The following BTK variants were observed in gnomAD, a reference collection of about 807,000 sequenced individuals.
BTK encodes the protein tyrosine-protein kinase BTK.
In BTK, 5 loss-of-function variants were observed where a neutral mutation model predicts 57.4. That is an observed-to-expected ratio of 0.09 (90% confidence interval 0.05 to 0.18). BTK has a LOEUF of 0.18. BTK is among the 10% of genes least tolerant of loss of function. The pLI, the probability that BTK is intolerant of heterozygous loss-of-function variation, is 1.00. For synonymous variants in BTK, 154 were observed against 174.3 expected (o/e 0.88, Z 0.92); for missense variants, 194 against 501.2 (o/e 0.39, Z 5.85).
At chrX:101,357,259 A>T (rs1200959519) in intron 13 of BTK, among the ~76,000 whole-genome samples, 5 of 111,766 alleles carry the variant, frequency 4.5e-5, no homozygotes, top group Non-Finnish European at 9.4e-5. Context: ...ATTTTCCCAC[A>T]ATTAAAAATA....
chrX:101,382,531 G>A (rs1477870798), intron 1 of BTK, among the ~76,000 whole-genome samples: 1 of 110,050 alleles, frequency 9.1e-6, no homozygotes, highest in Non-Finnish European at 1.9e-5. Flanking sequence ...TTGAGCCACC[G>A]CGCCTGGCCT....
intron 1 of BTK, among the ~76,000 whole-genome samples, chrX:101,382,163 T>C (rs1428765218): frequency 1.8e-5 from 2 of 110,633 alleles, no homozygotes; most frequent in Non-Finnish European, 3.8e-5. Flanking sequence ...ATAAGCTTCA[T>C]AGTCAAGGCT....
intron 1 of BTK, chrX:101,378,083 A>ATTT (rs536846518): frequency 0.17 from 15,025 of 90,090 alleles, 1,403 homozygotes; most frequent in South Asian, 0.32. Flanking sequence ...GAAAGGCCCC[A>ATTT]TTTTTTTTTT....
In BTK at chrX:101,349,839, G is replaced by A. The variant is rs2147419779; in HGVS notation, c.*46C>T. On this transcript the variant is annotated 3_prime_UTR_variant, in exon 19 of 19. Coordinates refer to ENST00000308731, the MANE Select transcript of BTK (RefSeq NM_000061.3). Reference sequence around the variant, plus strand: ...GATTTCCTCTGAGAAAGTGAAATTGGGGCTTGTGGAGAAGAGAAGTAGAAC... The same window carrying A: ...GATTTCCTCTGAGAAAGTGAAATTGAGGCTTGTGGAGAAGAGAAGTAGAAC... The A allele has an allele frequency of 9.0e-7, 1 of 1,106,102 alleles. No individual in the cohort carries two copies. The highest frequency in any genetic ancestry group is 1.2e-6 in the Non-Finnish European group (1 of 800,741). The allele number at this position is 1,106,102 out of a possible 1,213,427, so 91.2% of individuals were successfully genotyped here.
At chrX:101,388,964 C>T (rs1181150012), upstream of BTK, among the ~76,000 whole-genome samples, 8 of 111,757 alleles carry the variant, frequency 7.2e-5, no homozygotes, top group African/African-American at 2.6e-4. Context: ...AAACAGAGAA[C>T]AGCTCAAGCG....
intron 1 of BTK, among the ~76,000 whole-genome samples, chrX:101,376,623 G>A (rs782469414): frequency 3.6e-5 from 4 of 109,935 alleles, no homozygotes; most frequent in South Asian, 7.8e-4. Flanking sequence ...GCGAAACTCC[G>A]TCTCAAAAAA....
In BTK at chrX:101,383,537, CT is replaced by C. The variant is rs1199915049; in HGVS notation, c.-31+2524del. Reference sequence around the variant, plus strand: ...AACTCTGGTTTTACTGCAGACAAATCTTTTTTTTTTTTCATTGAGTCAATGA... The same window carrying C: ...AACTCTGGTTTTACTGCAGACAAATCTTTTTTTTTTTCATTGAGTCAATGA... On this transcript the variant is annotated intron_variant, in intron 1 of 18. Coordinates refer to ENST00000308731, the MANE Select transcript of BTK (RefSeq NM_000061.3). 1.0e-3 allele frequency among the ~76,000 whole-genome samples: 108 copies of C among 103,594 alleles called. 1 individual carries two copies. Among genetic ancestry groups the C allele is most frequent in the Middle Eastern group, 4.9e-3 (1 of 205 alleles). 90.0% of individuals were successfully genotyped at this position (103,594 alleles called of 115,157 possible).
chrX:101,350,782 A>G (rs1926262237), intron 18 of BTK, among the ~76,000 whole-genome samples: 2 of 110,899 alleles, frequency 1.8e-5, no homozygotes, highest in Admixed American at 9.6e-5. Context: ...CATGGCCCAT[A>G]AGCCCCCGAG....
At chrX:101,389,531 C>T (rs1345747933), upstream of BTK, among the ~76,000 whole-genome samples, 2 of 111,179 alleles carry the variant, frequency 1.8e-5, no homozygotes, top group African/African-American at 6.6e-5. Flanking sequence ...GACCACCCAA[C>T]AAAAAAGGGG....
upstream of BTK, among the ~76,000 whole-genome samples, chrX:101,387,994 G>T (rs2147460160): frequency 9.1e-6 from 1 of 110,152 alleles, no homozygotes; most frequent in South Asian, 3.9e-4. Flanking sequence ...AGTCTCCTGA[G>T]TAGTTGGGAC....
chrX:101,389,350 G>C (rs1292482466), upstream of BTK, among the ~76,000 whole-genome samples: 1 of 111,742 alleles, frequency 8.9e-6, no homozygotes, highest in Non-Finnish European at 1.9e-5. Flanking sequence ...ATTAAATGAA[G>C]AGGGGCCATG....
At chrX:101,377,045 G>T (rs1485353703) in intron 1 of BTK, among the ~76,000 whole-genome samples, 1 of 111,058 alleles carries the variant, frequency 9.0e-6, no homozygotes, top group Non-Finnish European at 1.9e-5. Flanking sequence ...ACTATCTTCT[G>T]GAGGTGGATT....
intron 1 of BTK, among the ~76,000 whole-genome samples, chrX:101,379,927 T>C (rs1314105184): frequency 5.4e-5 from 6 of 111,861 alleles, no homozygotes; most frequent in African/African-American, 2.0e-4. Flanking sequence ...ACATTTTCCC[T>C]CTTTAAATCA....
At chrX:101,387,973 T>A (rs1302687080), upstream of BTK, among the ~76,000 whole-genome samples, 1 of 109,811 alleles carries the variant, frequency 9.1e-6, no homozygotes, top group Non-Finnish European at 1.9e-5. Context: ...TTCACGCCAT[T>A]GTCCTGCCTC....
In BTK at chrX:101,382,600, G is replaced by A. The variant is rs148050488; in HGVS notation, c.-31+3462C>T. 2.3e-3 allele frequency among the ~76,000 whole-genome samples: 254 copies of A among 111,144 alleles called. 2 individuals are homozygous for A. Among genetic ancestry groups the A allele is most frequent in the African/African-American group, 7.8e-3 (239 of 30,541 alleles). ...GTTTTGGAAACTTCTAGGTCTCTGT[G>A]ATTCATCATCTCTTTTTGTCTTGCA... is the stretch of plus-strand genomic sequence containing the variant. On this transcript the variant is annotated intron_variant, in intron 1 of 18. Transcript: ENST00000308731.
Position 101,357,608 on chromosome X carries a change from T to C in BTK, c.1103-25A>G, listed in dbSNP as rs373312877. On this transcript the variant is annotated intron_variant, in intron 12 of 18. Coordinates refer to ENST00000308731, the MANE Select transcript of BTK (RefSeq NM_000061.3). ...CCTGAAACAGAGAGAGAGGTCATGC[T>C]GTTGGTGTGGTGTAGGAGGTGGGAT... 2.6e-5 allele frequency: 31 copies of C among 1,170,171 alleles called. No homozygotes were observed. The African/African-American group carries it at 5.2e-4, about 19-fold the overall frequency.
At chrX:101,359,370 G>A in intron 9 of BTK, 23 bp from the exon 10 acceptor site, 1 of 1,207,556 alleles carries the variant, frequency 8.3e-7, no homozygotes, top group South Asian at 1.8e-5. Flanking sequence ...AGTGCTGCTT[G>A]AGTGGCTCCT....
intron 5 of BTK, among the ~76,000 whole-genome samples, chrX:101,368,470 G>A (rs1926928477): frequency 8.9e-6 from 1 of 112,206 alleles, no homozygotes; most frequent in Non-Finnish European, 1.9e-5. Flanking sequence ...ACAGGGATGT[G>A]ATAAGAATCC....
chrX:101,379,789 T>G (rs1472927141), intron 1 of BTK, among the ~76,000 whole-genome samples: 1 of 111,533 alleles, frequency 9.0e-6, no homozygotes, highest in Non-Finnish European at 1.9e-5. Context: ...GATAAGAGAG[T>G]ATTCAAGATC....
Sources: gnomAD v4.1 joint callset for allele counts (sites outside exome capture counted in the v4.1 genomes callset) on GRCh38, gnomAD v4.1.1 for gene constraint, MANE v1.5 for transcripts, NCBI Gene and HGNC (gene_info 2026-07-23, HGNC 2026-07-21) for gene names.